The following PYGL variants were observed in gnomAD, a reference collection of about 807,000 sequenced individuals.
PYGL encodes the protein glycogen phosphorylase L.
A neutral mutation model predicts 100.1 loss-of-function variants in PYGL; 90 were observed. The observed-to-expected ratio is 0.90, with a 90% CI of 0.76 to 1.07. PYGL has a LOEUF of 1.07. Ranked by LOEUF, PYGL falls within the 50% of genes least tolerant of loss-of-function variation. The probability of loss-of-function intolerance (pLI) is 0.00; values close to 1 mark genes in which losing one functional copy is unlikely to be tolerated. For synonymous variants in PYGL, 373 were observed against 393.0 expected (o/e 0.95, Z 0.60); for missense variants, 1,016 against 1,057.6 (o/e 0.96, Z 0.55).
intron 12 of PYGL, among the ~76,000 whole-genome samples, chr14:50,913,898 G>C (rs2050422220): frequency 6.6e-6 from 1 of 151,816 alleles, no homozygotes; most frequent in African/African-American, 2.4e-5. Flanking sequence ...GTGGGGGTGG[G>C]TCTCATGTTG....
chr14:50,927,801 G>C (rs1004611705), intron 4 of PYGL, among the ~76,000 whole-genome samples: 1 of 152,196 alleles, frequency 6.6e-6, no homozygotes, highest in African/African-American at 2.4e-5. Flanking sequence ...CTGAGGAGGA[G>C]AGAACTATCC....
intron 7 of PYGL, among the ~76,000 whole-genome samples, chr14:50,919,880 C>T (rs1406334416): frequency 1.3e-5 from 2 of 151,948 alleles, no homozygotes; most frequent in Admixed American, 6.6e-5. Context: ...GACAGGGTTT[C>T]GTCATGTTGG....
intron 1 of PYGL, among the ~76,000 whole-genome samples, chr14:50,940,754 G>T (rs1211941453): frequency 6.6e-6 from 1 of 152,080 alleles, no homozygotes; most frequent in Non-Finnish European, 1.5e-5. Flanking sequence ...GTAAAAAGTG[G>T]ATATTTTCAA....
chr14:50,941,191 A>C (rs1296125469), intron 1 of PYGL, among the ~76,000 whole-genome samples: 1 of 152,232 alleles, frequency 6.6e-6, no homozygotes, highest in Non-Finnish European at 1.5e-5. Flanking sequence ...TCATATACTC[A>C]AATGCCTTCA....
intron 7 of PYGL, among the ~76,000 whole-genome samples, chr14:50,918,313 C>G (rs1030789431): frequency 1.3e-5 from 2 of 152,178 alleles, no homozygotes; most frequent in Non-Finnish European, 2.9e-5. Context: ...ACCATTTGAT[C>G]CAGCAATCCC....
intron 12 of PYGL, 97 bp downstream of exon 12, chr14:50,914,604 C>T (rs1446765610): frequency 9.9e-7 from 1 of 1,014,178 alleles, no homozygotes; most frequent in Non-Finnish European, 1.5e-6. Flanking sequence ...CTGAGGAAGC[C>T]AGCCCTGCTG....
intron 4 of PYGL, among the ~76,000 whole-genome samples, chr14:50,930,651 G>A (rs1466877919): frequency 6.6e-6 from 1 of 152,142 alleles, no homozygotes; most frequent in Non-Finnish European, 1.5e-5. Context: ...AAAGAGGGCA[G>A]TGGTGACACT....
chr14:50,930,094 A>G (rs2050589442), intron 4 of PYGL, among the ~76,000 whole-genome samples: 1 of 152,188 alleles, frequency 6.6e-6, no homozygotes, highest in African/African-American at 2.4e-5. Context: ...AGGTAACACA[A>G]TGATTTCCTA....
intron 4 of PYGL, among the ~76,000 whole-genome samples, chr14:50,929,932 T>G (rs562899221): frequency 2.0e-5 from 3 of 152,244 alleles, no homozygotes; most frequent in African/African-American, 7.2e-5. Flanking sequence ...TGTAGAAGAG[T>G]ACATAGAAGA....
In PYGL at chr14:50,916,852, C is replaced by T. The variant is rs548496578; in HGVS notation, c.999+110G>A. On this transcript the variant is annotated intron_variant, in intron 8 of 19. Transcript: ENST00000216392. ...CACCTTCTATGAAAGACTTGATGCA[C>T]ACTATTCCTGCTCAACGTTGTTAGC... is the stretch of plus-strand genomic sequence containing the variant. 5.5e-5 allele frequency: 86 copies of T among 1,550,098 alleles called. 1 individual carries two copies. The South Asian group carries it at 9.2e-4, about 16-fold the overall frequency.
chr14:50,916,037 C>T, intron 9 of PYGL, 66 bp from the exon 10 acceptor site: 1 of 1,599,258 alleles, frequency 6.3e-7, no homozygotes, highest in Non-Finnish European at 8.5e-7. Context: ...GGGCCAAACC[C>T]TTCTTCAACC....
Position 50,909,839 on chromosome 14 carries a change from A to G in PYGL, c.2177+56T>C, listed in dbSNP as rs1217333534. On this transcript the variant is annotated intron_variant, in intron 17 of 19. Transcript: ENST00000216392. ...TGGGCAGGAAGCCCTCTGAGGTCAC[A>G]TACCTTCTAGGGGGGAGGGGCAGTC... 6.3e-6 allele frequency: 10 copies of G among 1,593,118 alleles called. No homozygotes were observed. The East Asian group carries it at 1.8e-4, about 28-fold the overall frequency.
intron 15 of PYGL, 36 bp downstream of exon 15, chr14:50,911,942 G>A (rs769749562): frequency 6.2e-7 from 1 of 1,612,916 alleles, no homozygotes; most frequent in Non-Finnish European, 8.5e-7. Flanking sequence ...CAAGAGATTA[G>A]AGCCCTCAAG....
intron 7 of PYGL, among the ~76,000 whole-genome samples, chr14:50,919,990 GT>G (rs374308213): frequency 0.02 from 2,816 of 143,780 alleles, 30 homozygotes; most frequent in Middle Eastern, 0.029. Flanking sequence ...GGCCCCAAGT[GT>G]TTTTTTTTTT....
chr14:50,907,202 T>TC (rs1051783372), intron 19 of PYGL, among the ~76,000 whole-genome samples: 1 of 152,182 alleles, frequency 6.6e-6, no homozygotes, highest in Non-Finnish European at 1.5e-5. Flanking sequence ...CCCTTTTTTT[T>TC]CCCCTCAGTA....
At chr14:50,915,205 T>C in intron 11 of PYGL, 131 bp downstream of exon 11, 1 of 1,157,888 alleles carries the variant, frequency 8.6e-7, no homozygotes, top group Non-Finnish European at 1.2e-6. Context: ...AAGAGTTTTT[T>C]GTATAGAAGA....
chr14:50,909,449 T>C (rs995117474), intron 17 of PYGL, among the ~76,000 whole-genome samples: 2 of 152,218 alleles, frequency 1.3e-5, no homozygotes, highest in Admixed American at 1.3e-4. Flanking sequence ...CCCATCCAGA[T>C]ATGAAGTGAA....
In PYGL at chr14:50,908,966, GGGGT is replaced by G; in HGVS notation, c.2178-15_2178-12del. ...TCTTTTGCCTCGTACCTGTGGGGTA[GGGGT>G]GGGTGGGTGATAAAAAAAGGCTCTG... is the stretch of plus-strand genomic sequence containing the variant. On this transcript the variant is annotated splice_polypyrimidine_tract_variant and intron_variant, in intron 17 of 19. Transcript: ENST00000216392. The G allele has an allele frequency of 2.8e-5, 44 of 1,565,616 alleles. No individual in the cohort carries two copies. The highest frequency in any genetic ancestry group is 3.6e-5 in the Non-Finnish European group (41 of 1,148,000).
At chr14:50,921,110 G>GT (rs758405143) in intron 5 of PYGL, 43 bp from the exon 6 acceptor site, 38 of 1,475,346 alleles carry the variant, frequency 2.6e-5, no homozygotes, top group Non-Finnish European at 3.5e-5. Context: ...TTTCCCAAGT[G>GT]TGATGACATA....
Sources: gnomAD v4.1 joint callset for allele counts (sites outside exome capture counted in the v4.1 genomes callset) on GRCh38, gnomAD v4.1.1 for gene constraint, MANE v1.5 for transcripts, NCBI Gene and HGNC (gene_info 2026-07-23, HGNC 2026-07-21) for gene names.